The following HIBCH variants were observed in gnomAD, a reference collection of about 807,000 sequenced individuals.
HIBCH encodes the protein 3-hydroxyisobutyryl-CoA hydrolase.
HIBCH carries 50 observed loss-of-function variants against 58.2 expected under a neutral mutation model. The observed-to-expected ratio is 0.86, with a 90% CI of 0.68 to 1.09. HIBCH has a LOEUF of 1.09. Ranked by LOEUF, HIBCH falls within the 50% of genes least tolerant of loss-of-function variation. HIBCH has a pLI of 0.00. For synonymous variants in HIBCH, 151 were observed against 146.9 expected, an observed-to-expected ratio of 1.03 and a Z score of -0.20; for missense variants, 450 against 449.7, an observed-to-expected ratio of 1.00 and a Z score of -0.01.
intron 11 of HIBCH, among the ~76,000 whole-genome samples, chr2:190,224,115 C>T (rs140314873): frequency 6.6e-6 from 1 of 152,214 alleles, no homozygotes; most frequent in Admixed American, 6.5e-5. Flanking sequence ...ATATCCTGCA[C>T]CTGGCTCAGA....
intron 6 of HIBCH, among the ~76,000 whole-genome samples, chr2:190,273,569 G>A (rs933201906): frequency 6.6e-6 from 1 of 151,968 alleles, no homozygotes; most frequent in African/African-American, 2.4e-5. Context: ...AGATAAAAAC[G>A]AATGTATATA....
intron 8 of HIBCH, chr2:190,250,185 C>G: frequency 2.9e-6 from 1 of 345,370 alleles, no homozygotes; most frequent in Non-Finnish European, 5.7e-6. Context: ...CAGAGCATAG[C>G]TAATGCTTTC....
Position 190,242,900 on chromosome 2 carries a change from G to A in HIBCH, c.891+1987C>T, listed in dbSNP as rs115423449. Among the ~76,000 whole-genome samples, 907 of 152,242 alleles carry A rather than the reference G, an allele frequency of 6.0e-3. 5 individuals carry two copies. Among genetic ancestry groups the A allele is most frequent in the African/African-American group, 0.021 (859 of 41,524 alleles). On this transcript the variant is annotated intron_variant, in intron 11 of 13. Transcript: ENST00000359678. The stretch of plus-strand genomic sequence containing the variant: ...GCTAACTTTATGTAATGGTATTTGG[G>A]TTGGGAACTGGTGCATTTCTGGTCG...
chr2:190,249,593 C>T, intron 9 of HIBCH, 47 bp downstream of exon 9: 2 of 1,076,188 alleles, frequency 1.9e-6, no homozygotes, highest in Non-Finnish European at 2.9e-6. Context: ...TAATCACTTC[C>T]CCTCCCCATG....
chr2:190,259,372 T>TGTGTGTG (rs1553501637), intron 7 of HIBCH, among the ~76,000 whole-genome samples: 1 of 147,030 alleles, frequency 6.8e-6, no homozygotes, highest in Non-Finnish European at 1.5e-5. Context: ...TGTGTGTCTG[T>TGTGTGTG]CTGACTGACA....
At chr2:190,195,355 G>T (rs1384260544) in intron 1 of HIBCH, among the ~76,000 whole-genome samples, 2 of 152,156 alleles carry the variant, frequency 1.3e-5, no homozygotes, top group African/African-American at 4.8e-5. Flanking sequence ...CAGAACTGCT[G>T]GATCATACAG....
intron 6 of HIBCH, among the ~76,000 whole-genome samples, chr2:190,277,114 A>C (rs964919043): frequency 6.6e-6 from 1 of 152,214 alleles, no homozygotes; most frequent in African/African-American, 2.4e-5. Context: ...TTCCCCAGAA[A>C]CAGAATAAAT....
chr2:190,224,213 G>A (rs868280147), intron 11 of HIBCH, among the ~76,000 whole-genome samples: 10 of 152,218 alleles, frequency 6.6e-5, no homozygotes, highest in South Asian at 4.1e-4. Context: ...GGGAAGGGGC[G>A]TCGGCCATTG....
At chr2:190,284,491 A>G (rs1047088904) in intron 6 of HIBCH, among the ~76,000 whole-genome samples, 7 of 152,264 alleles carry the variant, frequency 4.6e-5, no homozygotes, top group African/African-American at 1.7e-4. Context: ...TTGGTCAACT[A>G]GACCAAATAG....
intron 11 of HIBCH, among the ~76,000 whole-genome samples, chr2:190,232,500 C>T (rs1686133107): frequency 6.6e-6 from 1 of 152,162 alleles, no homozygotes; most frequent in African/African-American, 2.4e-5. Context: ...TGCAAGTACC[C>T]ACTGGAAGAG....
intron 9 of HIBCH, 53 bp from the exon 10 acceptor site, chr2:190,246,265 TA>T (rs1467170382): frequency 2.0e-6 from 2 of 984,990 alleles, no homozygotes; most frequent in Admixed American, 1.9e-5. Flanking sequence ...TTTTAATCCT[TA>T]AAAATTCATA....
chr2:190,192,131 AGTATAAG>A (rs1274334019), intron 1 of HIBCH, among the ~76,000 whole-genome samples: 7 of 152,134 alleles, frequency 4.6e-5, no homozygotes, highest in East Asian at 1.9e-4. Flanking sequence ...TTTTCTATAA[AGTATAAG>A]GTATAAGTAG....
At chr2:190,280,267 A>T (rs1023423887) in intron 6 of HIBCH, among the ~76,000 whole-genome samples, 24 of 152,148 alleles carry the variant, frequency 1.6e-4, no homozygotes, top group Admixed American at 3.9e-4. Context: ...GCACACTGGG[A>T]TGGGGTTGGA....
chr2:190,219,765 T>C (rs990532243), intron 11 of HIBCH, among the ~76,000 whole-genome samples: 4 of 152,200 alleles, frequency 2.6e-5, no homozygotes, highest in East Asian at 1.9e-4. Flanking sequence ...GTTAAAACCA[T>C]GCTGGGTGTG....
intron 11 of HIBCH, among the ~76,000 whole-genome samples, chr2:190,224,353 A>G (rs1449919272): frequency 6.6e-6 from 1 of 152,192 alleles, no homozygotes. Context: ...TTGGATAAAG[A>G]GTCAAGACTC....
intron 1 of HIBCH, among the ~76,000 whole-genome samples, chr2:190,195,806 G>GA (rs751049823): frequency 1.2e-4 from 18 of 152,234 alleles, no homozygotes; most frequent in Non-Finnish European, 1.9e-4. Context: ...CTTTGGCACT[G>GA]AATCTAAAAG....
At chr2:190,271,749 G>A (rs1559045700) in intron 6 of HIBCH, among the ~76,000 whole-genome samples, 1 of 152,064 alleles carries the variant, frequency 6.6e-6, no homozygotes, top group Non-Finnish European at 1.5e-5. Context: ...CTGCTAAAAA[G>A]CACTTAATTA....
chr2:190,311,156 T>C (rs977429365), intron 1 of HIBCH: 7 of 411,568 alleles, frequency 1.7e-5, no homozygotes, highest in Admixed American at 3.4e-5. Context: ...AATGCATACA[T>C]ACTACTAAGC....
At position 190,192,006 on chromosome 2, in the gene HIBCH, G is replaced by A. The variant is rs566072431; in HGVS notation, c.*18-2009C>T. ...CCAGTTTTTTTCTTTCATGGTTCAT[G>A]CTTTTGGTATCACATCTAAGAACTC... On this transcript the variant is annotated intron_variant, in intron 1 of 1. Transcript: ENST00000399855. Among the ~76,000 whole-genome samples the A allele has an allele frequency of 2.0e-5, 3 of 150,316 alleles. No homozygotes were observed. In the South Asian group the frequency reaches 6.3e-4, roughly 32 times the overall value.
Sources: allele counts gnomAD v4.1 joint callset (sites outside exome capture counted in the v4.1 genomes callset), GRCh38; gene constraint gnomAD v4.1.1; transcripts MANE v1.5; gene names NCBI Gene and HGNC (gene_info 2026-07-23, HGNC 2026-07-21).